Variants in ROCK2 observed in about 807,000 individuals in gnomAD.
The protein encoded by ROCK2 is Rho associated coiled-coil containing protein kinase 2.
ROCK2 carries 61 observed loss-of-function variants against 195.1 expected under a neutral mutation model. That is an observed-to-expected ratio of 0.31 (90% CI 0.25 to 0.39). ROCK2 has a LOEUF of 0.39. Among genes scored for constraint, ROCK2 ranks in the 10% least tolerant of loss-of-function variants. The pLI, the probability that ROCK2 is intolerant of heterozygous loss-of-function variation, is 1.00. For missense variants in ROCK2, 1,109 were observed against 1,637.4 expected (o/e 0.68, Z 5.57); for synonymous variants, 504 against 545.5 (o/e 0.92, Z 1.06).
chr2:11,320,366 C>T (rs1337053561), intron 1 of ROCK2, among the ~76,000 whole-genome samples: 5 of 152,156 alleles, frequency 3.3e-5, no homozygotes, highest in African/African-American at 4.8e-5. Flanking sequence ...TACCAGGTTC[C>T]TTCAATAGCA....
At chr2:11,314,879 AATCCCTAAAGGAATG>A (rs1429379030) in intron 1 of ROCK2, among the ~76,000 whole-genome samples, 2 of 152,040 alleles carry the variant, frequency 1.3e-5, no homozygotes, top group Non-Finnish European at 2.9e-5. Context: ...ATGAGACTAT[AATCCCTAAAGGAATG>A]TGTCCAAAAA....
intron 1 of ROCK2, among the ~76,000 whole-genome samples, chr2:11,294,030 G>A (rs906037175): frequency 1.3e-5 from 2 of 152,060 alleles, no homozygotes; most frequent in African/African-American, 2.4e-5. Context: ...GGTGGCGGGC[G>A]CCTGTAGTCC....
At chr2:11,263,787 C>T (rs1470088971) in intron 3 of ROCK2, among the ~76,000 whole-genome samples, 1 of 150,036 alleles carries the variant, frequency 6.7e-6, no homozygotes, top group Non-Finnish European at 1.5e-5. Flanking sequence ...TAAAAGGCAG[C>T]CTGGAGGGCC....
Position 11,199,319 on chromosome 2 carries a change from T to C in ROCK2, c.2911-545A>G, listed in dbSNP as rs569539850. Among the ~76,000 whole-genome samples, 58 of 140,816 alleles carry C rather than the reference T, an allele frequency of 4.1e-4. 1 individual carries two copies. The East Asian group carries it at 6.7e-3, about 16-fold the overall frequency. 92.4% of individuals were successfully genotyped at this position (140,816 alleles called of 152,430 possible). A position where few individuals can be genotyped will look rare whatever the true frequency, so the allele number is the denominator to read the frequency against. ...TTTATGTGATTTTCTTTTTTTTTTT[T>C]CTCTCTTTTTGGAGACAAGGTCTCA... On this transcript the variant is annotated intron_variant, in intron 23 of 32. Transcript: ENST00000315872.
At chr2:11,262,424 C>T (rs1666259190) in intron 3 of ROCK2, among the ~76,000 whole-genome samples, 1 of 152,120 alleles carries the variant, frequency 6.6e-6, no homozygotes, top group South Asian at 2.1e-4. Context: ...CAGAGACATA[C>T]ATGGTGATAT....
chr2:11,336,032 GTTAAT>G (rs968982751), intron 1 of ROCK2, among the ~76,000 whole-genome samples: 27 of 152,242 alleles, frequency 1.8e-4, no homozygotes, highest in African/African-American at 5.8e-4. Context: ...AAACCAAAAT[GTTAAT>G]TTAAACAGTG....
intron 3 of ROCK2, among the ~76,000 whole-genome samples, chr2:11,268,657 T>A (rs1264198946): frequency 6.6e-6 from 1 of 152,180 alleles, no homozygotes; most frequent in Non-Finnish European, 1.5e-5. Context: ...CTATTCATAA[T>A]CTATTGAAGA....
chr2:11,192,919 C>T lies in ROCK2; in HGVS notation c.3688-207G>A, dbSNP rs1454741840. 1.3e-5 allele frequency among the ~76,000 whole-genome samples: 2 copies of T among 152,176 alleles called. No individual in the cohort carries two copies. The highest frequency in any genetic ancestry group is 2.9e-5 in the Non-Finnish European group (2 of 68,036). ...GTCATCAGACAGTCACTTTGGTTTGCATTTCAAAAGAACTGATCCTGTTCA... is the reference window on the plus strand; with the variant it reads ...GTCATCAGACAGTCACTTTGGTTTGTATTTCAAAAGAACTGATCCTGTTCA... On this transcript the variant is annotated intron_variant, in intron 30 of 32. Transcript: ENST00000315872. This position sits in a 1 kb window ranked among gnomAD's most constrained non-coding sequence, Gnocchi z 5.0.
chr2:11,216,935 G>C (rs756558681), intron 12 of ROCK2, among the ~76,000 whole-genome samples, 155 bp downstream of exon 12: 24 of 151,666 alleles, frequency 1.6e-4, no homozygotes, highest in Admixed American at 7.2e-4. Context: ...TCTTGGCCAG[G>C]CTGGTCTTGA....
At chr2:11,317,595 TATATATATATATATATA>T (rs1439920935) in intron 1 of ROCK2, among the ~76,000 whole-genome samples, 7 of 15,958 alleles carry the variant, frequency 4.4e-4, no homozygotes, top group East Asian at 5.7e-3. Flanking sequence ...TATATATATA[TATATATATATATATATA>T]TTTTTTTTTT....
At chr2:11,336,125 CGA>C (rs1668921529) in intron 1 of ROCK2, among the ~76,000 whole-genome samples, 1 of 152,290 alleles carries the variant, frequency 6.6e-6, no homozygotes, top group Admixed American at 6.5e-5. Flanking sequence ...TTTTCTACAA[CGA>C]GAGCATATTA....
In ROCK2 at chr2:11,180,730, G is replaced by A. The variant is rs6751114; in HGVS notation, c.*2707C>T. 2.8e-4 allele frequency: 43 copies of A among 152,180 alleles called. No individual in the cohort carries two copies. Among genetic ancestry groups the A allele is most frequent in the African/African-American group, 1.0e-3 (43 of 41,440 alleles). The allele number at this position is 152,180 out of a possible 1,614,324, so 9.4% of individuals were successfully genotyped here. On this transcript the variant is annotated 3_prime_UTR_variant, in exon 33 of 33. Transcript: ENST00000315872. The stretch of plus-strand genomic sequence containing the variant: ...TTTTAGTCTTATATTTATCTTGGAA[G>A]CTTCAGGGCCTCAAGAAAAACGAGA...
At chr2:11,340,001 T>C (rs1220153213) in intron 1 of ROCK2, among the ~76,000 whole-genome samples, 1 of 152,196 alleles carries the variant, frequency 6.6e-6, no homozygotes, top group African/African-American at 2.4e-5. Flanking sequence ...GGCTATCTGA[T>C]CAAGACTTGG....
Position 11,263,517 on chromosome 2 carries a change from G to C in ROCK2, c.325-13719C>G, listed in dbSNP as rs1032565617. Among the ~76,000 whole-genome samples the C allele has an allele frequency of 1.3e-5, 2 of 151,104 alleles. 1 individual carries two copies. The highest frequency in any genetic ancestry group is 2.9e-5 in the Non-Finnish European group (2 of 67,874). On this transcript the variant is annotated intron_variant, in intron 3 of 32. Transcript: ENST00000315872. ...GTAAGATAATCTTCCCGATACAAGT[G>C]AACTATGTAGAACAGCTATGAATCC...
At chr2:11,265,655 G>A (rs1030127734) in intron 3 of ROCK2, among the ~76,000 whole-genome samples, 9 of 152,064 alleles carry the variant, frequency 5.9e-5, no homozygotes, top group South Asian at 4.2e-4. Context: ...GTTTTAACAC[G>A]TTTTTCCACC....
intron 3 of ROCK2, among the ~76,000 whole-genome samples, chr2:11,275,909 T>G (rs1040927237): frequency 2.0e-5 from 3 of 151,978 alleles, no homozygotes; most frequent in Admixed American, 6.6e-5. Flanking sequence ...CATGTTGACC[T>G]GGCTGGTCAC....
chr2:11,242,581 C>T (rs537038470), intron 4 of ROCK2, among the ~76,000 whole-genome samples: 2 of 152,256 alleles, frequency 1.3e-5, no homozygotes, highest in East Asian at 3.9e-4. Flanking sequence ...AAGTGCCACA[C>T]TCACTGAAGT....
chr2:11,207,545 G>T (rs1664096692), intron 20 of ROCK2, among the ~76,000 whole-genome samples, 181 bp downstream of exon 20: 1 of 152,162 alleles, frequency 6.6e-6, no homozygotes, highest in African/African-American at 2.4e-5. Flanking sequence ...AGTAAAAACT[G>T]TTGGGGAAAC....
intron 1 of ROCK2, among the ~76,000 whole-genome samples, chr2:11,295,223 C>A (rs1007194295): frequency 1.3e-5 from 2 of 152,110 alleles, no homozygotes; most frequent in Non-Finnish European, 2.9e-5. Flanking sequence ...GCAATTTACA[C>A]ACCTATTATA....
Sources: gnomAD v4.1 joint callset for allele counts (sites outside exome capture counted in the v4.1 genomes callset) on GRCh38, gnomAD v4.1.1 for gene constraint, Gnocchi (gnomAD v3.1) non-coding constraint, MANE v1.5 for transcripts, NCBI Gene and HGNC (gene_info 2026-07-23, HGNC 2026-07-21) for gene names.